The following TMEM108 variants were observed in gnomAD, a reference collection of about 807,000 sequenced individuals.
TMEM108 encodes cancer/testis antigen 124.
TMEM108 carries 12 observed loss-of-function variants against 35.1 expected under a neutral mutation model. The observed-to-expected ratio is 0.34, with a 90% CI of 0.22 to 0.55. TMEM108 has a LOEUF of 0.55. Among genes scored for constraint, TMEM108 ranks in the 20% least tolerant of loss-of-function variants. TMEM108 has a pLI of 0.89. For synonymous variants in TMEM108, 287 were observed against 308.6 expected (o/e 0.93, Z 0.73); for missense variants, 680 against 753.3 (o/e 0.90, Z 1.14).
chr3:133,083,812 T>C (rs1305214145), intron 2 of TMEM108, among the ~76,000 whole-genome samples: 2 of 152,168 alleles, frequency 1.3e-5, no homozygotes, highest in African/African-American at 2.4e-5. Flanking sequence ...TGAAGGTGAT[T>C]CTGTTCACTT....
At chr3:133,234,594 C>T (rs28871052) in intron 3 of TMEM108, among the ~76,000 whole-genome samples, 2,034 of 152,182 alleles carry the variant, frequency 0.013, 56 homozygotes, top group African/African-American at 0.044. Flanking sequence ...ATTGATGTGA[C>T]GTATCTCAAA....
intron 3 of TMEM108, among the ~76,000 whole-genome samples, chr3:133,252,817 A>G (rs890725193): frequency 2.0e-5 from 3 of 152,204 alleles, no homozygotes; most frequent in Non-Finnish European, 4.4e-5. Context: ...GTGTTCAAAG[A>G]AACATAAAAC....
At chr3:133,260,350 T>C (rs376405364) in intron 3 of TMEM108, among the ~76,000 whole-genome samples, 1 of 151,946 alleles carries the variant, frequency 6.6e-6, no homozygotes, top group East Asian at 1.9e-4. Flanking sequence ...ATTAATGGGG[T>C]TACTATGATG....
intron 2 of TMEM108, among the ~76,000 whole-genome samples, chr3:133,086,119 G>A (rs538212657): frequency 2.6e-5 from 4 of 152,302 alleles, no homozygotes; most frequent in East Asian, 3.9e-4. Flanking sequence ...AAGGAGTGGT[G>A]AAAGGGATGG....
chr3:133,051,562 G>A (rs1252192718), intron 2 of TMEM108, among the ~76,000 whole-genome samples: 1 of 152,038 alleles, frequency 6.6e-6, no homozygotes, highest in East Asian at 1.9e-4. Context: ...CATGCCTTTT[G>A]TGTTGTATCT....
In TMEM108 at chr3:133,227,189, C is replaced by CTTTTT. The variant is rs35518753; in HGVS notation, c.-46-2058_-46-2054dup. ...TAATCTTGGACTAAGGAAGGCCTTT[C>CTTTTT]TTTTTTTTTTTTTTTTTTTTTTTGA... On this transcript the variant is annotated intron_variant, in intron 2 of 5. Transcript: ENST00000321871. Among the ~76,000 whole-genome samples the CTTTTT allele has an allele frequency of 6.1e-3, 511 of 83,388 alleles. 1 individual carries two copies. The highest frequency in any genetic ancestry group is 8.6e-3 in the Non-Finnish European group (388 of 45,130). The allele number at this position is 83,388 out of a possible 152,430, so 54.7% of individuals were successfully genotyped here.
rs1439116735 is a variant in TMEM108, at chr3:133,092,717, A to AT, written c.-47+46698dup. Among the ~76,000 whole-genome samples, 3 of 152,194 alleles carry AT rather than the reference A, an allele frequency of 2.0e-5. No individual in the cohort carries two copies. The East Asian group carries it at 5.8e-4, about 29-fold the overall frequency. On this transcript the variant is annotated intron_variant, in intron 2 of 5. Coordinates refer to ENST00000321871, the MANE Select transcript of TMEM108 (RefSeq NM_023943.4). ...CAAAATCATTTTCCATTAAGTGAACATAACTCCTTAACCATTGCCTATTGT... is the reference window on the plus strand; with the variant it reads ...CAAAATCATTTTCCATTAAGTGAACATTAACTCCTTAACCATTGCCTATTGT...
At chr3:133,111,616 G>C (rs151191244) in intron 2 of TMEM108, among the ~76,000 whole-genome samples, 1 of 151,760 alleles carries the variant, frequency 6.6e-6, no homozygotes, top group African/African-American at 2.4e-5. Flanking sequence ...AATATTTTGC[G>C]TGCATTTTAT....
intron 3 of TMEM108, among the ~76,000 whole-genome samples, chr3:133,292,814 G>A (rs1947091563): frequency 6.6e-6 from 1 of 152,156 alleles, no homozygotes; most frequent in South Asian, 2.1e-4. Flanking sequence ...AGAGCTCTGG[G>A]CTTGAGATAG....
At chr3:133,297,397 G>A (rs1301090161) in intron 3 of TMEM108, among the ~76,000 whole-genome samples, 2 of 152,168 alleles carry the variant, frequency 1.3e-5, no homozygotes, top group East Asian at 3.8e-4. Flanking sequence ...AGAGGAAGAT[G>A]GACGAAGTAC....
rs545438142 is a variant in TMEM108 at position 133,182,795 on chromosome 3, G to A, written c.-46-46471G>A. Among the ~76,000 whole-genome samples, 3 of 152,312 alleles carry A rather than the reference G, an allele frequency of 2.0e-5. No homozygotes were observed. The South Asian group carries it at 6.2e-4, about 32-fold the overall frequency. On this transcript the variant is annotated intron_variant, in intron 2 of 5. Coordinates refer to ENST00000321871, the MANE Select transcript of TMEM108 (RefSeq NM_023943.4). ...GCACCCAGGTCAAAATATGTCTTGA[G>A]AAGATAGTATTTCAGCCAGTGGTGC... is the stretch of plus-strand genomic sequence containing the variant.
intron 2 of TMEM108, among the ~76,000 whole-genome samples, chr3:133,108,838 G>A (rs1362030252): frequency 7.2e-6 from 1 of 138,970 alleles, no homozygotes; most frequent in African/African-American, 2.7e-5. Context: ...GGACTGTTGT[G>A]GGGTGAGGGT....
chr3:133,181,016 A>T (rs1282805193), intron 2 of TMEM108, among the ~76,000 whole-genome samples: 1 of 74,610 alleles, frequency 1.3e-5, no homozygotes, highest in South Asian at 5.1e-4. Context: ...GTTAAAAAAA[A>T]AAAAAAAAAA....
intron 3 of TMEM108, among the ~76,000 whole-genome samples, chr3:133,250,667 A>G (rs866288925): frequency 2.0e-5 from 3 of 152,210 alleles, no homozygotes; most frequent in Non-Finnish European, 2.9e-5. Flanking sequence ...TAATTTTTCA[A>G]TAGGATTTTG....
At chr3:133,360,286 A>G (rs1485342298) in intron 3 of TMEM108, among the ~76,000 whole-genome samples, 1 of 152,214 alleles carries the variant, frequency 6.6e-6, no homozygotes. Flanking sequence ...ACACAAGCGT[A>G]TACTTTTGCC....
At chr3:133,193,938 CTTT>C (rs34225124) in intron 2 of TMEM108, among the ~76,000 whole-genome samples, 5 of 139,614 alleles carry the variant, frequency 3.6e-5, no homozygotes, top group Non-Finnish European at 3.1e-5. Flanking sequence ...AACATTGATT[CTTT>C]TTTTTTTTTT....
At chr3:133,067,376 C>G (rs1429507441) in intron 2 of TMEM108, among the ~76,000 whole-genome samples, 2 of 152,126 alleles carry the variant, frequency 1.3e-5, no homozygotes, top group African/African-American at 4.8e-5. Context: ...AAGCCTGGCA[C>G]CAGAGATGAG....
chr3:133,257,526 CT>C (rs35671706), intron 3 of TMEM108, among the ~76,000 whole-genome samples: 24,670 of 152,184 alleles, frequency 0.16, 2,398 homozygotes, highest in East Asian at 0.38. Flanking sequence ...CTTGATCCCC[CT>C]GAAACAAAAC....
chr3:133,328,317 T>G (rs2071355473), intron 3 of TMEM108, among the ~76,000 whole-genome samples: 4 of 152,124 alleles, frequency 2.6e-5, no homozygotes. Context: ...CACAAGAAAA[T>G]GAGGTATCGT....
Sources: gnomAD v4.1 joint callset for allele counts (sites outside exome capture counted in the v4.1 genomes callset) on GRCh38, gnomAD v4.1.1 for gene constraint, MANE v1.5 for transcripts, NCBI Gene and HGNC (gene_info 2026-07-23, HGNC 2026-07-21) for gene names.